Variants in COL6A6 observed in about 807,000 individuals in gnomAD.
The protein encoded by COL6A6 is collagen alpha-6(VI) chain.
Under a neutral mutation model 208.6 loss-of-function variants are expected in COL6A6, and 183 were observed. The ratio of observed to expected loss-of-function variants is 0.88; its 90% CI spans 0.78 to 0.99. The LOEUF is 0.99. Among genes scored for constraint, COL6A6 ranks in the 50% least tolerant of loss-of-function variants. The pLI is 0.00. For missense variants in COL6A6, 2,816 were observed against 2,815.2 expected (o/e 1.00, Z -0.01); for synonymous variants, 973 against 1,011.8 (o/e 0.96, Z 0.73).
At chr3:130,567,937 A>G in intron 5 of COL6A6, 110 bp from the exon 6 acceptor site, 1 of 721,494 alleles carries the variant, frequency 1.4e-6, no homozygotes, top group Admixed American at 2.9e-5. Flanking sequence ...ACTAATTATT[A>G]CTAAGTACAC....
chr3:130,609,279 G>A (rs2064280624), intron 22 of COL6A6, among the ~76,000 whole-genome samples: 1 of 152,196 alleles, frequency 6.6e-6, no homozygotes, highest in Admixed American at 6.5e-5. Flanking sequence ...TCTGGGAATT[G>A]TGGTCAATTT....
intron 8 of COL6A6, among the ~76,000 whole-genome samples, chr3:130,579,543 C>G (rs2063373331): frequency 6.6e-6 from 1 of 152,186 alleles, no homozygotes; most frequent in African/African-American, 2.4e-5. Flanking sequence ...TCTTACTTCT[C>G]TTATCACCCT....
At chr3:130,642,790 A>G (rs188592970) in intron 29 of COL6A6, 42 bp from the exon 30 acceptor site, 1 of 1,582,650 alleles carries the variant, frequency 6.3e-7, no homozygotes, top group Non-Finnish European at 8.6e-7. Flanking sequence ...ACTGATGTGT[A>G]TGTCTAGAGG....
chr3:130,651,191 G>T (rs2065633426), intron 33 of COL6A6, among the ~76,000 whole-genome samples: 1 of 152,124 alleles, frequency 6.6e-6, no homozygotes, highest in African/African-American at 2.4e-5. Flanking sequence ...ATTTTGGGAG[G>T]CTGAGGCGGG....
In COL6A6 at chr3:130,658,716, C is replaced by T. The variant is rs200922054; in HGVS notation, c.5774C>T (p.Ser1925Phe). 588 of 1,613,100 alleles carry T rather than the reference C, an allele frequency of 3.6e-4. 3 individuals are homozygous for T. Among genetic ancestry groups the T allele is most frequent in the Non-Finnish European group, 4.7e-4 (556 of 1,179,590 alleles). ...TGTFQVIVVP[S>F]GADYIPALER... The stretch of plus-strand genomic sequence containing the variant: ...ACATTTCAAGTAATAGTGGTTCCCT[C>T]CGGGGCCGACTACATACCAGCATTA... The change falls in exon 34 of 37, where the codon TCC (serine) becomes TTC (phenylalanine). Residue 1925 changes from serine (S) to phenylalanine (F), a missense_variant. Physicochemically the swap from Ser to Phe is radical, Grantham distance 155. Coordinates refer to ENST00000358511, the MANE Select transcript of COL6A6 (RefSeq NM_001102608.3).
chr3:130,546,371 G>C (rs575190756), intron 1 of COL6A6, among the ~76,000 whole-genome samples: 9 of 152,300 alleles, frequency 5.9e-5, no homozygotes, highest in African/African-American at 1.9e-4. Context: ...CTGGCCTCAG[G>C]AGTGAAGCTG....
chr3:130,609,739 A>C lies in COL6A6; in HGVS notation c.4752+775A>C, dbSNP rs897084823. Among the ~76,000 whole-genome samples, 3 of 152,118 alleles carry C rather than the reference A, an allele frequency of 2.0e-5. 1 individual carries two copies. The highest frequency in any genetic ancestry group is 4.4e-5 in the Non-Finnish European group (3 of 68,020). On this transcript the variant is annotated intron_variant, in intron 22 of 36. Coordinates refer to ENST00000358511, the MANE Select transcript of COL6A6 (RefSeq NM_001102608.3). ...ACAATCAACGGCTCTGCTATTTTTC[A>C]AACTTTTAATCCACATAGTTAAAAA... is the stretch of plus-strand genomic sequence containing the variant.
intron 1 of COL6A6, among the ~76,000 whole-genome samples, chr3:130,526,791 A>G (rs192783075): frequency 1.3e-5 from 2 of 152,060 alleles, no homozygotes; most frequent in East Asian, 3.9e-4. Context: ...TATAGTTTCA[A>G]AGGACTATAT....
At position 130,675,453 on chromosome 3, in the gene COL6A6, A is replaced by G. The variant is rs2066336042; in HGVS notation, c.*56A>G. ...GCATGGTAAGACTCTGGACTTAAAT[A>G]GTAACTAAATCTGCTGCCAGAACTC... On this transcript the variant is annotated 3_prime_UTR_variant, in exon 37 of 37. Coordinates refer to ENST00000358511, the MANE Select transcript of COL6A6 (RefSeq NM_001102608.3). The G allele has an allele frequency of 3.0e-6, 4 of 1,314,716 alleles. No individual in the cohort carries two copies. Among genetic ancestry groups the G allele is most frequent in the African/African-American group, 1.5e-5 (1 of 67,166 alleles). The allele number at this position is 1,314,716 out of a possible 1,614,324, so 81.4% of individuals were successfully genotyped here.
rs1313232339 is a variant in COL6A6, at chr3:130,571,124, G to A, written c.2708G>A (p.Arg903Gln). 5.0e-6 allele frequency: 8 copies of A among 1,613,644 alleles called. No individual in the cohort carries two copies. Among genetic ancestry groups the A allele is most frequent in the South Asian group, 1.1e-5 (1 of 91,036 alleles). Reference protein sequence around the residue: ...GFSDHMFTEARGSRLNKGVPQ... With the variant: ...GFSDHMFTEAQGSRLNKGVPQ... Reference sequence around the variant, plus strand: ...TCAGACCACATGTTCACTGAAGCCCGGGGCAGCCGCCTGAACAAGGGGGTC... The same window carrying A: ...TCAGACCACATGTTCACTGAAGCCCAGGGCAGCCGCCTGAACAAGGGGGTC... Residue 903 changes from arginine to glutamine, a missense_variant, in exon 7 of 37, where the codon CGG becomes CAG. By Grantham distance (43) the Arg-to-Gln change is conservative (BLOSUM62 1). Transcript: ENST00000358511.
chr3:130,553,589 ACT>A (rs892780811), intron 1 of COL6A6, among the ~76,000 whole-genome samples: 2 of 147,354 alleles, frequency 1.4e-5, no homozygotes, highest in Non-Finnish European at 3.0e-5. Context: ...TTTGATTTTG[ACT>A]CTCTCTCTGA....
At chr3:130,537,220 T>C (rs943732091) in intron 1 of COL6A6, among the ~76,000 whole-genome samples, 1 of 152,246 alleles carries the variant, frequency 6.6e-6, no homozygotes, top group Admixed American at 6.5e-5. Flanking sequence ...TTGATTAGTT[T>C]GTTCTAGCTC....
chr3:130,665,173 T>G (rs886979530), intron 36 of COL6A6, 77 bp downstream of exon 36: 1 of 930,560 alleles, frequency 1.1e-6, no homozygotes, highest in African/African-American at 1.7e-5. Context: ...CTCCTTTTCT[T>G]GCTTTTCTTC....
intron 7 of COL6A6, among the ~76,000 whole-genome samples, chr3:130,572,558 A>G (rs1432086412): frequency 6.6e-6 from 1 of 152,158 alleles, no homozygotes; most frequent in Non-Finnish European, 1.5e-5. Context: ...AAACTAATAA[A>G]ATCTTTCTGG....
chr3:130,636,734 C>T (rs1415963264), intron 28 of COL6A6, among the ~76,000 whole-genome samples: 3 of 133,818 alleles, frequency 2.2e-5, no homozygotes, highest in Non-Finnish European at 4.8e-5. Context: ...CTGCCTCTTC[C>T]TCCCCTTCCC....
rs951454321 is a variant in COL6A6, at chr3:130,675,641, T to C, written c.*244T>C. The C allele has an allele frequency of 2.1e-5, 8 of 378,838 alleles. No homozygotes were observed. The highest frequency in any genetic ancestry group is 3.8e-5 in the Non-Finnish European group (8 of 211,256). 23.5% of individuals were successfully genotyped at this position (378,838 alleles called of 1,614,324 possible). On this transcript the variant is annotated 3_prime_UTR_variant, in exon 37 of 37. Transcript: ENST00000358511. ...AAGACAGAAGAATGAAAGAAGTGTT[T>C]TGAAAAGTCTAATGGAGATATAATT...
At chr3:130,530,507 T>A (rs2062057083) in intron 1 of COL6A6, among the ~76,000 whole-genome samples, 1 of 152,228 alleles carries the variant, frequency 6.6e-6, no homozygotes, top group Admixed American at 6.5e-5. Context: ...CTGCTCAAAG[T>A]AAGTGGTGAA....
At chr3:130,575,182 C>A (rs1200329723) in intron 8 of COL6A6, among the ~76,000 whole-genome samples, 1 of 152,188 alleles carries the variant, frequency 6.6e-6, no homozygotes, top group Non-Finnish European at 1.5e-5. Flanking sequence ...TAAGAGGCAG[C>A]TCTGAAGACA....
rs948654977 is a variant in COL6A6, at chr3:130,662,664, C to T, written c.6502+356C>T. On this transcript the variant is annotated intron_variant, in intron 35 of 36. Transcript: ENST00000358511. ...ATCCTTGCAGTGTAACCTTAGCACA[C>T]TGCCCTTTGATGGAAAGTTTCATCT... Among the ~76,000 whole-genome samples, 14 of 152,260 alleles carry T rather than the reference C, an allele frequency of 9.2e-5. No individual in the cohort carries two copies. In the South Asian group the frequency reaches 1.5e-3, roughly 16 times the overall value.
Sources: allele counts gnomAD v4.1 joint callset (sites outside exome capture counted in the v4.1 genomes callset), GRCh38; gene constraint gnomAD v4.1.1; transcripts MANE v1.5; gene names NCBI Gene and HGNC (gene_info 2026-07-23, HGNC 2026-07-21).